Variants in RSU1 observed in about 807,000 individuals in gnomAD.
The protein encoded by RSU1 is rsu-1.
Under a neutral mutation model 31.1 loss-of-function variants are expected in RSU1, and 26 were observed. That is an observed-to-expected ratio of 0.84 (90% CI 0.61 to 1.16). The LOEUF is 1.16. Among genes scored for constraint, RSU1 ranks in the 50% most tolerant of loss-of-function variants. RSU1 has a pLI of 0.00. For synonymous variants in RSU1, 164 were observed against 136.3 expected, an observed-to-expected ratio of 1.20 and a Z score of -1.41; for missense variants, 320 against 339.1, an observed-to-expected ratio of 0.94 and a Z score of 0.44.
chr10:16,748,509 A>T (rs890893095), intron 7 of RSU1: 1 of 152,210 alleles, frequency 6.6e-6, no homozygotes, highest in African/African-American at 2.4e-5. Context: ...CTTTCCCTAT[A>T]TAAGGTAACA....
chr10:16,739,217 G>A (rs1431564459), intron 7 of RSU1, among the ~76,000 whole-genome samples: 1 of 151,910 alleles, frequency 6.6e-6, no homozygotes, highest in Non-Finnish European at 1.5e-5. Context: ...AATCCTTTGG[G>A]TATATACCCA....
At chr10:16,663,513 G>C (rs376486356) in intron 8 of RSU1, among the ~76,000 whole-genome samples, 6 of 152,256 alleles carry the variant, frequency 3.9e-5, no homozygotes, top group East Asian at 3.9e-4. Flanking sequence ...AATTAAGCTT[G>C]AAAACTGCTC....
rs1833512089 is a variant in RSU1, at chr10:16,591,900, T to G, written c.*1494A>C. The stretch of plus-strand genomic sequence containing the variant: ...TGGCACCTATAAAAATGATATCAAC[T>G]CTATCCCTAAACAGGGGATGGGACC... On this transcript the variant is annotated 3_prime_UTR_variant, in exon 9 of 9. Coordinates refer to ENST00000345264, the MANE Select transcript of RSU1 (RefSeq NM_012425.4). 6.6e-6 allele frequency: 1 copy of G among 152,168 alleles called. No homozygotes were observed. The highest frequency in any genetic ancestry group is 1.5e-5 in the Non-Finnish European group (1 of 68,028). 9.4% of individuals were successfully genotyped at this position (152,168 alleles called of 1,614,324 possible). A position where few individuals can be genotyped will look rare whatever the true frequency, so the allele number is the denominator to read the frequency against.
intron 7 of RSU1, among the ~76,000 whole-genome samples, chr10:16,697,987 CTTTTTTTTTT>C (rs67816326): frequency 1.6e-4 from 16 of 99,580 alleles, no homozygotes; most frequent in African/African-American, 5.4e-4. Flanking sequence ...AGGAACACAC[CTTTTTTTTTT>C]TTTTTTTTTT....
chr10:16,806,815 G>GT (rs1838279325), intron 2 of RSU1, among the ~76,000 whole-genome samples: 2 of 152,106 alleles, frequency 1.3e-5, no homozygotes, highest in Non-Finnish European at 1.5e-5. Flanking sequence ...GTACAATGGC[G>GT]TGATCTTAGC....
At chr10:16,725,799 T>C (rs1212094391) in intron 7 of RSU1, among the ~76,000 whole-genome samples, 1 of 147,634 alleles carries the variant, frequency 6.8e-6, no homozygotes, top group Non-Finnish European at 1.5e-5. Flanking sequence ...GTCTCAAGTA[T>C]TTTGTGAAAC....
chr10:16,803,127 T>C (rs1838191318), intron 2 of RSU1, among the ~76,000 whole-genome samples: 1 of 152,040 alleles, frequency 6.6e-6, no homozygotes, highest in South Asian at 2.1e-4. Context: ...ACGTAGAAAA[T>C]CCCAAAGAAT....
At chr10:16,785,534 T>A (rs1837773528) in intron 2 of RSU1, among the ~76,000 whole-genome samples, 1 of 99,604 alleles carries the variant, frequency 1.0e-5, no homozygotes. Context: ...ATAATATTAG[T>A]TCTTTCCCTC....
At chr10:16,610,054 T>C (rs1291264130) in intron 8 of RSU1, among the ~76,000 whole-genome samples, 3 of 152,226 alleles carry the variant, frequency 2.0e-5, no homozygotes, top group Non-Finnish European at 4.4e-5. Context: ...AGCCAAAATA[T>C]CATTTCAACA....
At chr10:16,792,466 C>T (rs1191657097) in intron 2 of RSU1, among the ~76,000 whole-genome samples, 2 of 152,148 alleles carry the variant, frequency 1.3e-5, no homozygotes, top group Non-Finnish European at 2.9e-5. Context: ...CTCCCGACCT[C>T]GTGATCCACC....
intron 3 of RSU1, among the ~76,000 whole-genome samples, chr10:16,770,713 G>A (rs574005446): frequency 3.3e-4 from 51 of 152,332 alleles, no homozygotes; most frequent in African/African-American, 1.2e-3. Context: ...TGAAGAGGAG[G>A]ACTTAAGGCA....
chr10:16,805,494 A>T (rs1838247148), intron 2 of RSU1, among the ~76,000 whole-genome samples: 1 of 151,252 alleles, frequency 6.6e-6, no homozygotes, highest in African/African-American at 2.4e-5. Context: ...ACACGGTGAA[A>T]CCCTGTCTCT....
intron 8 of RSU1, among the ~76,000 whole-genome samples, chr10:16,664,874 A>G (rs940040905): frequency 6.6e-6 from 1 of 152,110 alleles, no homozygotes; most frequent in Non-Finnish European, 1.5e-5. Context: ...ATGATATACT[A>G]TTATTAACAC....
At chr10:16,763,051 G>A (rs1369314510) in intron 4 of RSU1, among the ~76,000 whole-genome samples, 1 of 151,526 alleles carries the variant, frequency 6.6e-6, no homozygotes, top group African/African-American at 2.4e-5. Context: ...AGCATCTATT[G>A]CCACTCCACG....
Position 16,769,692 on chromosome 10 carries a change from C to G in RSU1, c.161-5182G>C, listed in dbSNP as rs115002144. ...GGGAACCCTCTTTTGGCTCAGAAAA[C>G]TTTTAATTCATTGGCAGCATCACGA... On this transcript the variant is annotated intron_variant, in intron 3 of 8. Transcript: ENST00000345264. Among the ~76,000 whole-genome samples, 577 of 152,308 alleles carry G rather than the reference C, an allele frequency of 3.8e-3. 2 individuals carry two copies. Among genetic ancestry groups the G allele is most frequent in the African/African-American group, 0.013 (547 of 41,572 alleles).
chr10:16,767,946 A>C (rs1386552234), intron 3 of RSU1, among the ~76,000 whole-genome samples: 6 of 152,204 alleles, frequency 3.9e-5, no homozygotes, highest in African/African-American at 1.4e-4. Context: ...TGGCGGGAAC[A>C]ATTTTAGGTA....
intron 8 of RSU1, among the ~76,000 whole-genome samples, chr10:16,632,003 G>T (rs1016521781): frequency 2.0e-5 from 3 of 152,156 alleles, no homozygotes; most frequent in African/African-American, 7.2e-5. Flanking sequence ...ATTAGCTGCT[G>T]CCTTGACTGA....
At chr10:16,615,859 G>C (rs1833967318) in intron 8 of RSU1, among the ~76,000 whole-genome samples, 1 of 152,146 alleles carries the variant, frequency 6.6e-6, no homozygotes, top group African/African-American at 2.4e-5. Context: ...AGAATCTCTG[G>C]GATGTAGCTA....
At chr10:16,631,505 G>T (rs1322191203) in intron 8 of RSU1, among the ~76,000 whole-genome samples, 1 of 152,170 alleles carries the variant, frequency 6.6e-6, no homozygotes, top group African/African-American at 2.4e-5. Flanking sequence ...ACAATTGGAG[G>T]AGGATCCCTG....
Sources: allele counts gnomAD v4.1 joint callset (sites outside exome capture counted in the v4.1 genomes callset), GRCh38; gene constraint gnomAD v4.1.1; transcripts MANE v1.5; gene names NCBI Gene and HGNC (gene_info 2026-07-23, HGNC 2026-07-21).